The following ASIC2 variants were observed in gnomAD, a reference collection of about 807,000 sequenced individuals.
The protein encoded by ASIC2 is acid-sensing ion channel 2.
A neutral mutation model predicts 57.3 loss-of-function variants in ASIC2; 25 were observed. That is an observed-to-expected ratio of 0.44 (90% confidence interval 0.32 to 0.61). The LOEUF (loss-of-function observed/expected upper bound fraction) is 0.61, where lower values mean the gene tolerates loss of function less well. Ranked by LOEUF, ASIC2 falls within the 20% of genes least tolerant of loss-of-function variation. The pLI is 0.06. For missense variants in ASIC2, 641 were observed against 738.1 expected (o/e 0.87, Z 1.52); for synonymous variants, 319 against 307.5 (o/e 1.04, Z -0.39).
intron 1 of ASIC2, among the ~76,000 whole-genome samples, chr17:33,642,278 C>T (rs1247575745): frequency 6.7e-6 from 1 of 148,942 alleles, no homozygotes; most frequent in Non-Finnish European, 1.5e-5. Context: ...TTGGGACTTG[C>T]TGCCAAGCTC....
chr17:33,951,046 T>C (rs1014157526), intron 1 of ASIC2, among the ~76,000 whole-genome samples: 1 of 152,226 alleles, frequency 6.6e-6, no homozygotes, highest in Admixed American at 6.5e-5. Flanking sequence ...CCTGGCTCTG[T>C]TGCTTATTAG....
intron 1 of ASIC2, among the ~76,000 whole-genome samples, chr17:33,518,070 C>T (rs1224962532): frequency 2.6e-5 from 4 of 152,146 alleles, no homozygotes; most frequent in Admixed American, 1.3e-4. Flanking sequence ...TATCTATTTG[C>T]CCCTCTGATG....
At chr17:34,029,176 C>T (rs1196759450) in intron 1 of ASIC2, among the ~76,000 whole-genome samples, 2 of 152,096 alleles carry the variant, frequency 1.3e-5, no homozygotes, top group Non-Finnish European at 1.5e-5. Context: ...CAACTCTTCC[C>T]CATCTTATAA....
At position 33,677,618 on chromosome 17, in the gene ASIC2, C is replaced by T. The variant is rs144172640; in HGVS notation, c.555+478360G>A. On this transcript the variant is annotated intron_variant, in intron 1 of 9. Transcript: ENST00000359872. Reference sequence around the variant, plus strand: ...TTGAAAGAGATGATTACAACTCTCACGGATGGCTTTGAGGAGTTCAAGGCT... The same window carrying T: ...TTGAAAGAGATGATTACAACTCTCATGGATGGCTTTGAGGAGTTCAAGGCT... Among the ~76,000 whole-genome samples the T allele has an allele frequency of 1.6e-4, 25 of 152,172 alleles. No individual in the cohort carries two copies. The East Asian group carries it at 2.9e-3, about 18-fold the overall frequency.
intron 1 of ASIC2, among the ~76,000 whole-genome samples, chr17:34,080,247 C>T (rs1909828182): frequency 6.6e-6 from 1 of 152,338 alleles, no homozygotes; most frequent in East Asian, 1.9e-4. Flanking sequence ...TTCCTCATAA[C>T]ACAACTCCAG....
At chr17:33,266,724 T>C (rs967074739) in intron 1 of ASIC2, among the ~76,000 whole-genome samples, 2 of 152,032 alleles carry the variant, frequency 1.3e-5, no homozygotes, top group African/African-American at 4.8e-5. Context: ...GCCTTTTAAT[T>C]ATTCAATGAG....
At chr17:33,702,312 G>T (rs577416930) in intron 1 of ASIC2, among the ~76,000 whole-genome samples, 2 of 152,274 alleles carry the variant, frequency 1.3e-5, no homozygotes, top group East Asian at 3.9e-4. Flanking sequence ...GGTTAGAGGG[G>T]GGGTATCACT....
intron 1 of ASIC2, among the ~76,000 whole-genome samples, chr17:33,130,040 C>T (rs927283224): frequency 1.3e-5 from 2 of 152,052 alleles, no homozygotes; most frequent in Admixed American, 6.6e-5. Context: ...CTGTATAGCC[C>T]GTCACACACT....
At chr17:33,248,165 G>A (rs2081653956) in intron 1 of ASIC2, among the ~76,000 whole-genome samples, 1 of 152,140 alleles carries the variant, frequency 6.6e-6, no homozygotes, top group Non-Finnish European at 1.5e-5. Flanking sequence ...GCAAAGTGGT[G>A]AAGGAGAGAA....
chr17:33,779,384 A>T (rs1031177602), intron 1 of ASIC2, among the ~76,000 whole-genome samples: 6 of 152,222 alleles, frequency 3.9e-5, no homozygotes, highest in African/African-American at 1.4e-4. Context: ...TTTTATTATC[A>T]ATGCATTAAG....
At chr17:33,072,453 C>T (rs1174378019) in intron 3 of ASIC2, among the ~76,000 whole-genome samples, 1 of 152,096 alleles carries the variant, frequency 6.6e-6, no homozygotes, top group Non-Finnish European at 1.5e-5. Flanking sequence ...AATTTTAATA[C>T]CAATAACAAT....
At chr17:33,988,975 A>C (rs997150526) in intron 1 of ASIC2, among the ~76,000 whole-genome samples, 3 of 151,972 alleles carry the variant, frequency 2.0e-5, no homozygotes, top group African/African-American at 4.8e-5. Flanking sequence ...TTCCACTTCT[A>C]TGCCCCTCCT....
intron 1 of ASIC2, among the ~76,000 whole-genome samples, chr17:33,708,778 T>C (rs1333274859): frequency 1.3e-5 from 2 of 152,146 alleles, no homozygotes; most frequent in African/African-American, 4.8e-5. Flanking sequence ...GCTATCTTGG[T>C]CATAGAGACT....
In ASIC2 at chr17:33,558,757, C is replaced by T. The variant is rs564587238; in HGVS notation, c.556-446690G>A. ...TAAACATTGGTAGCTGAACCAAGAG[C>T]CATAATTTGTTGACCCTGCCTGAGG... On this transcript the variant is annotated intron_variant, in intron 1 of 9. Transcript: ENST00000359872. 9.2e-5 allele frequency among the ~76,000 whole-genome samples: 14 copies of T among 152,128 alleles called. No individual in the cohort carries two copies. The South Asian group carries it at 2.9e-3, about 32-fold the overall frequency.
intron 1 of ASIC2, among the ~76,000 whole-genome samples, chr17:33,196,591 T>C (rs1906638419): frequency 6.6e-6 from 1 of 152,190 alleles, no homozygotes; most frequent in Non-Finnish European, 1.5e-5. Context: ...TGCAGGGCCA[T>C]GGAGCCTGGG....
At chr17:33,571,537 T>C (rs1299471866) in intron 1 of ASIC2, among the ~76,000 whole-genome samples, 1 of 152,232 alleles carries the variant, frequency 6.6e-6, no homozygotes, top group East Asian at 1.9e-4. Flanking sequence ...TCCCAGCTCC[T>C]GTCACTGGCA....
intron 3 of ASIC2, among the ~76,000 whole-genome samples, chr17:33,037,296 T>C (rs538338505): frequency 4.5e-4 from 69 of 151,986 alleles, no homozygotes; most frequent in Non-Finnish European, 7.1e-4. Flanking sequence ...TCTCTTCTAC[T>C]AAAATGGGTT....
At chr17:33,757,316 G>T (rs902566) in intron 1 of ASIC2, among the ~76,000 whole-genome samples, 79,687 of 151,956 alleles carry the variant, frequency 0.52, 21,020 homozygotes, top group East Asian at 0.58. Context: ...ATTCTCCTGC[G>T]GGACAAAAGG....
At chr17:33,880,019 G>A (rs1375939071) in intron 1 of ASIC2, among the ~76,000 whole-genome samples, 8 of 152,220 alleles carry the variant, frequency 5.3e-5, no homozygotes, top group Admixed American at 2.6e-4. Flanking sequence ...GGTACATAAC[G>A]AAATGAAGGC....
Sources: gnomAD v4.1 joint callset for allele counts (sites outside exome capture counted in the v4.1 genomes callset) on GRCh38, gnomAD v4.1.1 for gene constraint, MANE v1.5 for transcripts, NCBI Gene and HGNC (gene_info 2026-07-23, HGNC 2026-07-21) for gene names.